SYT10: variants seen among roughly 807,000 people sequenced by gnomAD.
The protein encoded by SYT10 is synaptotagmin-10.
A neutral mutation model predicts 51.1 loss-of-function variants in SYT10; 31 were observed. That is an observed-to-expected ratio of 0.61 (90% CI 0.46 to 0.82). The LOEUF (loss-of-function observed/expected upper bound fraction) is 0.82, where lower values mean the gene tolerates loss of function less well. Among genes scored for constraint, SYT10 ranks in the 40% least tolerant of loss-of-function variants. The pLI is 0.00. For missense variants in SYT10, 603 were observed against 634.0 expected (o/e 0.95, Z 0.53); for synonymous variants, 233 against 225.9 (o/e 1.03, Z -0.28).
intron 3 of SYT10, among the ~76,000 whole-genome samples, chr12:33,402,097 A>G (rs1866311855): frequency 6.6e-6 from 1 of 152,162 alleles, no homozygotes; most frequent in African/African-American, 2.4e-5. Context: ...CCTGAGCACT[A>G]CATTTCACAA....
intron 1 of SYT10, among the ~76,000 whole-genome samples, chr12:33,430,183 T>TC (rs1866585087): frequency 6.6e-6 from 1 of 152,248 alleles, no homozygotes; most frequent in South Asian, 2.1e-4. Flanking sequence ...TCTGCCACTG[T>TC]CTATATGTCT....
rs751938589 is a variant in SYT10, at chr12:33,426,221, T to A, written c.426A>T (p.Ala142=). The stretch of plus-strand genomic sequence containing the variant: ...GTTCTTTTAAAGCAGTTTGGACTTC[T>A]GCTGGGATGTCAGGGGAAGTGTGGC... The part of the protein sequence containing the change: ...KISHTSPDIP[A]EVQTALKEHL... Residue 142 remains alanine (A), a synonymous_variant, in exon 2 of 7, where the codon GCA becomes GCT. Coordinates refer to ENST00000228567, the MANE Select transcript of SYT10 (RefSeq NM_198992.4). 1 of 1,614,194 alleles carries A rather than the reference T, an allele frequency of 6.2e-7. No individual in the cohort carries two copies. Among genetic ancestry groups the A allele is most frequent in the South Asian group, 1.1e-5 (1 of 91,082 alleles).
intron 6 of SYT10, 147 bp from the exon 7 acceptor site, chr12:33,377,048 A>G: frequency 1.2e-6 from 1 of 800,042 alleles, no homozygotes; most frequent in Non-Finnish European, 2.0e-6. Flanking sequence ...GCCCTTCAGA[A>G]CTTACCTTCT....
At chr12:33,437,823 C>T (rs1351414621) in intron 1 of SYT10, among the ~76,000 whole-genome samples, 2 of 152,104 alleles carry the variant, frequency 1.3e-5, no homozygotes, top group African/African-American at 4.8e-5. Context: ...CAACGATACG[C>T]ACGACACAGA....
intron 4 of SYT10, 37 bp from the exon 5 acceptor site, chr12:33,382,557 A>T: frequency 6.5e-7 from 1 of 1,541,256 alleles, no homozygotes; most frequent in Non-Finnish European, 8.7e-7. Flanking sequence ...AAATAAAAGT[A>T]ATAGTACAAA....
chr12:33,437,839 A>G (rs1866650444), intron 1 of SYT10, among the ~76,000 whole-genome samples: 2 of 152,116 alleles, frequency 1.3e-5, no homozygotes, highest in Admixed American at 1.3e-4. Context: ...ACAGAATACA[A>G]CATGCTCACA....
chr12:33,439,744 GC>G lies in SYT10; in HGVS notation c.-223del. The G allele has an allele frequency of 1.8e-6, 1 of 565,388 alleles. No individual in the cohort carries two copies. The highest frequency in any genetic ancestry group is 3.0e-6 in the Non-Finnish European group (1 of 331,536). 35.0% of individuals were successfully genotyped at this position (565,388 alleles called of 1,614,324 possible). A position where few individuals can be genotyped will look rare whatever the true frequency, so the allele number is the denominator to read the frequency against. On this transcript the variant is annotated 5_prime_UTR_variant, in exon 1 of 7. Transcript: ENST00000228567. ...AGAGGCGCGCGAGGAGGCTGCGGCT[GC>G]CGCGAGGTTTGCGCCAACTCTCCCG...
chr12:33,428,003 G>A (rs1458928621), intron 1 of SYT10, among the ~76,000 whole-genome samples: 3 of 152,174 alleles, frequency 2.0e-5, no homozygotes, highest in Non-Finnish European at 2.9e-5. Context: ...GAAGATAGAA[G>A]TGAAGGCAAG....
In SYT10 at chr12:33,439,598, T is replaced by C. The variant is rs535560234; in HGVS notation, c.-76A>G. On this transcript the variant is annotated 5_prime_UTR_variant, in exon 1 of 7. Coordinates refer to ENST00000228567, the MANE Select transcript of SYT10 (RefSeq NM_198992.4). Reference sequence around the variant, plus strand: ...CCTCTTCCCGTACCTCTAACCCCTCTGGCGCCCTAAGCCATAGTCCGCCCG... The same window carrying C: ...CCTCTTCCCGTACCTCTAACCCCTCCGGCGCCCTAAGCCATAGTCCGCCCG... 1 of 1,540,490 alleles carries C rather than the reference T, an allele frequency of 6.5e-7. No homozygotes were observed. Among genetic ancestry groups the C allele is most frequent in the African/African-American group, 1.4e-5 (1 of 73,346 alleles).
intron 3 of SYT10, among the ~76,000 whole-genome samples, chr12:33,392,829 C>T (rs1353366388): frequency 6.6e-6 from 1 of 151,444 alleles, no homozygotes; most frequent in Non-Finnish European, 1.5e-5. Context: ...CCCCTCTGGG[C>T]ATTAAGCGAT....
chr12:33,439,347 A>G, intron 1 of SYT10, 25 bp downstream of exon 1: 1 of 1,601,388 alleles, frequency 6.2e-7, no homozygotes, highest in Non-Finnish European at 8.5e-7. Context: ...GAGCGCGAGG[A>G]CGCGAGCGGA....
At chr12:33,438,975 C>A (rs1446545167) in intron 1 of SYT10, among the ~76,000 whole-genome samples, 3 of 152,208 alleles carry the variant, frequency 2.0e-5, no homozygotes, top group Non-Finnish European at 2.9e-5. Flanking sequence ...GAGAGCAGCC[C>A]TAGTCCCACA....
At chr12:33,412,130 C>T (rs10844587) in intron 2 of SYT10, among the ~76,000 whole-genome samples, 68,846 of 151,788 alleles carry the variant, frequency 0.45, 16,549 homozygotes, top group East Asian at 0.75. Context: ...TTTCACACTC[C>T]CTTGTGCTTT....
intron 2 of SYT10, among the ~76,000 whole-genome samples, chr12:33,412,362 T>C (rs10844588): frequency 0.61 from 92,952 of 151,514 alleles, 29,702 homozygotes; most frequent in East Asian, 0.89. Flanking sequence ...ATTATTACAA[T>C]GTTTAAACTA....
chr12:33,429,466 C>T (rs1210225136), intron 1 of SYT10, among the ~76,000 whole-genome samples: 1 of 152,148 alleles, frequency 6.6e-6, no homozygotes, highest in African/African-American at 2.4e-5. Context: ...ACATTTCTTT[C>T]AAAATTGGAG....
chr12:33,390,839 G>A (rs1866198589), intron 3 of SYT10, among the ~76,000 whole-genome samples: 1 of 152,164 alleles, frequency 6.6e-6, no homozygotes, highest in African/African-American at 2.4e-5. Flanking sequence ...TTTTGGACAA[G>A]TTACTTAACC....
At chr12:33,409,317 G>C (rs1198285448) in intron 2 of SYT10, among the ~76,000 whole-genome samples, 1 of 149,816 alleles carries the variant, frequency 6.7e-6, no homozygotes, top group East Asian at 2.0e-4. Context: ...CCCAGGTTGA[G>C]GCGATTCTCC....
At chr12:33,413,399 A>C (rs1258097968) in intron 2 of SYT10, among the ~76,000 whole-genome samples, 3 of 152,198 alleles carry the variant, frequency 2.0e-5, no homozygotes, top group Non-Finnish European at 4.4e-5. Context: ...ACCAAAGTTG[A>C]AATGAAGGAA....
At chr12:33,420,798 G>T (rs1030184815) in intron 2 of SYT10, among the ~76,000 whole-genome samples, 2 of 152,164 alleles carry the variant, frequency 1.3e-5, no homozygotes, top group African/African-American at 4.8e-5. Context: ...TCTCTTTTCA[G>T]AAAAGAAGCA....
Sources: allele counts gnomAD v4.1 joint callset (sites outside exome capture counted in the v4.1 genomes callset), GRCh38; gene constraint gnomAD v4.1.1; transcripts MANE v1.5; gene names NCBI Gene and HGNC (gene_info 2026-07-23, HGNC 2026-07-21).